The following HIBCH variants were observed in gnomAD, a reference collection of about 807,000 sequenced individuals.
The protein encoded by HIBCH is 3-hydroxyisobutyryl-CoA hydrolase, also known as 3-hydroxyisobutyryl-CoA hydrolase, mitochondrial.
In HIBCH, 50 loss-of-function variants were observed where a neutral mutation model predicts 58.2. The observed-to-expected ratio is 0.86, with a 90% confidence interval of 0.68 to 1.09. The LOEUF (loss-of-function observed/expected upper bound fraction) is 1.09. Ranked by LOEUF, HIBCH falls within the 50% of genes least tolerant of loss-of-function variation. HIBCH has a pLI of 0.00. For synonymous variants in HIBCH, 151 were observed against 146.9 expected, an observed-to-expected ratio of 1.03 and a Z score of -0.20; for missense variants, 450 against 449.7, an observed-to-expected ratio of 1.00 and a Z score of -0.01.
At chr2:190,299,576 T>C (rs1210113360) in intron 2 of HIBCH, among the ~76,000 whole-genome samples, 1 of 152,158 alleles carries the variant, frequency 6.6e-6, no homozygotes, top group East Asian at 1.9e-4. Context: ...AGGATAAACT[T>C]ACAGAACCTG....
intron 8 of HIBCH, among the ~76,000 whole-genome samples, chr2:190,249,985 A>G (rs1686716334): frequency 6.6e-6 from 1 of 152,206 alleles, no homozygotes; most frequent in Non-Finnish European, 1.5e-5. Context: ...CAGCCTATTG[A>G]GTACTTGGAA....
At chr2:190,267,996 G>C (rs768793294) in intron 6 of HIBCH, among the ~76,000 whole-genome samples, 4 of 152,174 alleles carry the variant, frequency 2.6e-5, no homozygotes, top group East Asian at 3.8e-4. Flanking sequence ...TCTTTGGAGA[G>C]AGAACATCAT....
chr2:190,300,703 C>T (rs60469543), intron 2 of HIBCH, among the ~76,000 whole-genome samples: 34,882 of 151,958 alleles, frequency 0.23, 4,196 homozygotes, highest in East Asian at 0.32. Flanking sequence ...TTGTTTTTGG[C>T]GTCTTCGTCA....
chr2:190,194,114 G>C (rs1324074129), intron 1 of HIBCH, among the ~76,000 whole-genome samples: 1 of 152,160 alleles, frequency 6.6e-6, no homozygotes, highest in Non-Finnish European at 1.5e-5. Context: ...GGGGTGGTTA[G>C]AAATTGTACT....
intron 1 of HIBCH, among the ~76,000 whole-genome samples, chr2:190,196,133 G>A (rs1458649987): frequency 6.6e-6 from 1 of 151,736 alleles, no homozygotes; most frequent in Non-Finnish European, 1.5e-5. Context: ...TTTTCTAATT[G>A]TCCCTCCCCA....
chr2:190,283,274 C>G (rs577999779), intron 6 of HIBCH, among the ~76,000 whole-genome samples: 1 of 152,282 alleles, frequency 6.6e-6, no homozygotes, highest in South Asian at 2.1e-4. Flanking sequence ...TGACTCATTC[C>G]AATTTACTGC....
At position 190,290,488 on chromosome 2, in the gene HIBCH, AG is replaced by A; in HGVS notation, c.305-4del. ...TGCCTTTTCAGCTTCCGAGATCACT[AG>A]GAAGGAAAGATTACAAATAAAAAAA... On this transcript the variant is annotated splice_region_variant and splice_polypyrimidine_tract_variant and intron_variant, in intron 4 of 13. Transcript: ENST00000359678. 2 of 1,577,172 alleles carry A rather than the reference AG, an allele frequency of 1.3e-6. No individual in the cohort carries two copies. Among genetic ancestry groups the A allele is most frequent in the Non-Finnish European group, 1.7e-6 (2 of 1,147,812 alleles).
intron 6 of HIBCH, among the ~76,000 whole-genome samples, chr2:190,271,240 C>T (rs966864374): frequency 9.9e-5 from 15 of 151,360 alleles, no homozygotes; most frequent in Non-Finnish European, 1.9e-4. Flanking sequence ...CAAAATCTCC[C>T]TATCTCCCTC....
intron 9 of HIBCH, 151 bp downstream of exon 9, chr2:190,249,489 A>G (rs1311601852): frequency 1.7e-6 from 1 of 584,614 alleles, no homozygotes; most frequent in Non-Finnish European, 3.1e-6. Flanking sequence ...ACAACTGTGA[A>G]GCACTGATTC....
chr2:190,266,390 TC>T (rs1199956638), intron 6 of HIBCH, among the ~76,000 whole-genome samples: 1 of 152,230 alleles, frequency 6.6e-6, no homozygotes, highest in East Asian at 1.9e-4. Flanking sequence ...TGGTTCTATT[TC>T]CACTTTTAGA....
At chr2:190,282,789 T>C (rs373036832) in intron 6 of HIBCH, among the ~76,000 whole-genome samples, 2 of 151,296 alleles carry the variant, frequency 1.3e-5, no homozygotes, top group East Asian at 3.9e-4. Context: ...ATTTAGGGTA[T>C]AATTGTTTAA....
chr2:190,196,061 G>GTTT (rs1553490765), intron 1 of HIBCH, among the ~76,000 whole-genome samples: 7 of 148,028 alleles, frequency 4.7e-5, no homozygotes, highest in Admixed American at 6.8e-5. Context: ...CCTTTCAATT[G>GTTT]TTATTTTTAG....
intron 4 of HIBCH, 98 bp from the exon 5 acceptor site, chr2:190,290,583 G>A: frequency 1.3e-6 from 1 of 795,248 alleles, no homozygotes; most frequent in Non-Finnish European, 2.1e-6. Context: ...TGGGGGAAGG[G>A]AGTACTCTAA....
chr2:190,295,369 TTA>T (rs1227488676), intron 3 of HIBCH, among the ~76,000 whole-genome samples: 3 of 152,328 alleles, frequency 2.0e-5, no homozygotes, highest in South Asian at 2.1e-4. Context: ...GGGAATTCCT[TTA>T]TGTTTCATAT....
chr2:190,306,252 G>T lies in HIBCH; in HGVS notation c.78+4502C>A, dbSNP rs3791804. On this transcript the variant is annotated intron_variant, in intron 2 of 13. Transcript: ENST00000359678. This position sits in a 1 kb window ranked among gnomAD's most constrained non-coding sequence, Gnocchi z 4.6. ...CGCTGAGGGATGCAATCTGGCATAA[G>T]CGCTGGAAATTTCTCTGTACCTTAC... Among the ~76,000 whole-genome samples the T allele has an allele frequency of 4.1e-3, 624 of 152,256 alleles. 24 individuals carry two copies. In the East Asian group the frequency reaches 0.096, roughly 23 times the overall value.
chr2:190,304,732 T>TAA lies in HIBCH; in HGVS notation c.78+6020_78+6021dup, dbSNP rs1688359894. 6.6e-6 allele frequency among the ~76,000 whole-genome samples: 1 copy of TAA among 152,212 alleles called. No individual in the cohort carries two copies. On this transcript the variant is annotated intron_variant, in intron 2 of 13. Transcript: ENST00000359678. This position sits in a 1 kb window ranked among gnomAD's most constrained non-coding sequence, Gnocchi z 4.1. Reference sequence around the variant, plus strand: ...AAACAACACAAACTTATTTTTTTTGTAAAACCAGCAGTTTTATTTTAACCA... The same window carrying TAA: ...AAACAACACAAACTTATTTTTTTTGTAAAAAACCAGCAGTTTTATTTTAACCA...
At chr2:190,245,871 T>G (rs903895839) in intron 10 of HIBCH, among the ~76,000 whole-genome samples, 1 of 151,556 alleles carries the variant, frequency 6.6e-6, no homozygotes, top group Non-Finnish European at 1.5e-5. Flanking sequence ...GTGCCTGTAG[T>G]CCCAGCTACT....
chr2:190,284,251 T>C (rs1011277545), intron 6 of HIBCH, among the ~76,000 whole-genome samples: 54 of 152,190 alleles, frequency 3.5e-4, no homozygotes, highest in African/African-American at 1.2e-3. Flanking sequence ...TTGAAATAAA[T>C]ATTCTTGGTT....
chr2:190,298,971 A>G (rs1016802328), intron 2 of HIBCH, among the ~76,000 whole-genome samples: 2 of 152,194 alleles, frequency 1.3e-5, no homozygotes, highest in Non-Finnish European at 2.9e-5. Context: ...ATGGCTAGCC[A>G]GTTTTCCCAG....
Sources: allele counts gnomAD v4.1 joint callset (sites outside exome capture counted in the v4.1 genomes callset), GRCh38; gene constraint gnomAD v4.1.1; non-coding constraint Gnocchi (gnomAD v3.1); transcripts MANE v1.5; gene names NCBI Gene and HGNC (gene_info 2026-07-23, HGNC 2026-07-21).